The following FER variants were observed in gnomAD, a reference collection of about 807,000 sequenced individuals.
FER encodes the protein tyrosine-protein kinase Fer.
A neutral mutation model predicts 111.0 loss-of-function variants in FER; 63 were observed. That is an observed-to-expected ratio of 0.57 (90% CI 0.46 to 0.70). The LOEUF (loss-of-function observed/expected upper bound fraction) is 0.70, where lower values mean the gene tolerates loss of function less well. FER is among the 30% of genes least tolerant of loss of function. FER has a pLI of 0.00. For synonymous variants in FER, 327 were observed against 313.9 expected (o/e 1.04, Z -0.44); for missense variants, 914 against 954.0 (o/e 0.96, Z 0.55).
At chr5:109,015,888 G>C (rs1767035009) in intron 13 of FER, among the ~76,000 whole-genome samples, 1 of 151,872 alleles carries the variant, frequency 6.6e-6, no homozygotes. Context: ...ATACTCCGAA[G>C]AATGTCTTTA....
chr5:109,012,477 G>A (rs978048208), intron 13 of FER, among the ~76,000 whole-genome samples: 2 of 152,136 alleles, frequency 1.3e-5, no homozygotes, highest in African/African-American at 4.8e-5. Flanking sequence ...TCTTTAAGAG[G>A]CATTTATTCT....
intron 10 of FER, among the ~76,000 whole-genome samples, chr5:108,931,834 G>GA (rs1205626568): frequency 3.3e-5 from 5 of 151,364 alleles, no homozygotes; most frequent in Admixed American, 6.6e-5. Context: ...CCATCTCGGG[G>GA]AAAAAAAATA....
chr5:109,060,804 T>C (rs1774315593), intron 16 of FER, among the ~76,000 whole-genome samples: 1 of 149,928 alleles, frequency 6.7e-6, no homozygotes, highest in South Asian at 2.1e-4. Flanking sequence ...CAAACACACA[T>C]ATGTAAACAT....
At chr5:108,816,875 G>A (rs1464235509) in intron 3 of FER, among the ~76,000 whole-genome samples, 20 of 151,976 alleles carry the variant, frequency 1.3e-4, no homozygotes, top group Admixed American at 1.3e-3. Context: ...GCTGAGGTGG[G>A]CAGATCACTT....
intron 13 of FER, among the ~76,000 whole-genome samples, chr5:108,960,119 C>G (rs932228233): frequency 1.4e-4 from 22 of 152,076 alleles, no homozygotes; most frequent in African/African-American, 5.3e-4. Context: ...AGCCACACAA[C>G]TTGGTAGATT....
chr5:108,901,465 G>T (rs1405440031), intron 10 of FER, among the ~76,000 whole-genome samples: 4 of 152,054 alleles, frequency 2.6e-5, no homozygotes, highest in Non-Finnish European at 5.9e-5. Context: ...GGTGATTATG[G>T]CATAATAGGT....
At chr5:108,810,533 C>A (rs1219099783) in intron 3 of FER, among the ~76,000 whole-genome samples, 5 of 152,220 alleles carry the variant, frequency 3.3e-5, no homozygotes, top group Non-Finnish European at 7.3e-5. Flanking sequence ...GCCTAGGAAA[C>A]CTCCTCAGCC....
In FER at chr5:108,924,285, G is replaced by C. The variant is rs550740978; in HGVS notation, c.1237-21845G>C. 4.6e-5 allele frequency among the ~76,000 whole-genome samples: 7 copies of C among 150,606 alleles called. No individual in the cohort carries two copies. The South Asian group carries it at 1.3e-3, about 27-fold the overall frequency. ...TCAGGCAGGATAATCACTTGAACCC[G>C]GGAAGCAGAGGTTGCAGAGAGTCAA... On this transcript the variant is annotated intron_variant, in intron 10 of 19. Transcript: ENST00000281092.
intron 10 of FER, among the ~76,000 whole-genome samples, chr5:108,907,499 T>C (rs1331427398): frequency 6.6e-6 from 1 of 152,058 alleles, no homozygotes; most frequent in East Asian, 1.9e-4. Context: ...TTTATCATCT[T>C]GTTCAGGCTG....
chr5:109,089,598 T>C (rs1278715761), intron 16 of FER, among the ~76,000 whole-genome samples: 3 of 152,116 alleles, frequency 2.0e-5, no homozygotes, highest in Non-Finnish European at 4.4e-5. Flanking sequence ...TTAAAATACT[T>C]TATGAGAACT....
intron 16 of FER, among the ~76,000 whole-genome samples, chr5:109,050,729 A>T (rs1201212742): frequency 6.6e-6 from 1 of 152,186 alleles, no homozygotes; most frequent in African/African-American, 2.4e-5. Context: ...CTGAATTTTA[A>T]ACTGATACCA....
intron 3 of FER, among the ~76,000 whole-genome samples, chr5:108,810,723 T>C (rs1757672870): frequency 6.6e-6 from 1 of 151,736 alleles, no homozygotes; most frequent in Non-Finnish European, 1.5e-5. Context: ...GCTTTGGTGT[T>C]GAGCAGAGAG....
At chr5:109,123,131 C>T (rs1751208246) in intron 17 of FER, among the ~76,000 whole-genome samples, 1 of 149,662 alleles carries the variant, frequency 6.7e-6, no homozygotes, top group Non-Finnish European at 1.5e-5. Context: ...TTTGTGGTCC[C>T]CTCTTATTTC....
intron 3 of FER, among the ~76,000 whole-genome samples, chr5:108,810,008 A>G (rs988820021): frequency 6.6e-6 from 1 of 152,188 alleles, no homozygotes; most frequent in East Asian, 1.9e-4. Flanking sequence ...CTTCTCATCT[A>G]GAGGTGCTGG....
At chr5:108,886,357 T>G (rs1199188313) in intron 9 of FER, among the ~76,000 whole-genome samples, 2 of 150,250 alleles carry the variant, frequency 1.3e-5, no homozygotes, top group African/African-American at 4.9e-5. Flanking sequence ...ATTTCTTGAG[T>G]TTTTACTTTG....
chr5:108,800,963 C>T (rs946892083), intron 3 of FER, among the ~76,000 whole-genome samples: 1 of 152,076 alleles, frequency 6.6e-6, no homozygotes, highest in South Asian at 2.1e-4. Context: ...AGGAGAATGG[C>T]GTGAACCCGG....
Position 108,959,284 on chromosome 5 carries a change from C to T in FER, c.1593C>T (p.His531=). The T allele has an allele frequency of 5.0e-6, 8 of 1,612,014 alleles. No individual in the cohort carries two copies. The highest frequency in any genetic ancestry group is 5.9e-6 in the Non-Finnish European group (7 of 1,178,724). The change falls in exon 13 of 20, where the codon CAC becomes CAT. Residue 531 remains histidine, a synonymous_variant. Coordinates refer to ENST00000281092, the MANE Select transcript of FER (RefSeq NM_005246.4). ...ACATTCCTCAACTTATAGATCATCA[C>T]TATACAACAAAACAGGTCATCACTA... ...FSNIPQLIDH[H]YTTKQVITKK...
intron 10 of FER, among the ~76,000 whole-genome samples, chr5:108,920,832 C>T (rs151006486): frequency 6.6e-6 from 1 of 152,138 alleles, no homozygotes; most frequent in East Asian, 1.9e-4. Flanking sequence ...CATTGGTATT[C>T]CTATATAACC....
At chr5:109,146,253 A>ATATATATATATATATATAT (rs1491409370) in intron 17 of FER, among the ~76,000 whole-genome samples, 3 of 42,130 alleles carry the variant, frequency 7.1e-5, no homozygotes, top group African/African-American at 1.8e-4. Context: ...TAATCTATCT[A>ATATATATATATATATATAT]ATATATATAT....
Sources: gnomAD v4.1 joint callset for allele counts (sites outside exome capture counted in the v4.1 genomes callset) on GRCh38, gnomAD v4.1.1 for gene constraint, MANE v1.5 for transcripts, NCBI Gene and HGNC (gene_info 2026-07-23, HGNC 2026-07-21) for gene names.